KEL: variants seen among roughly 807,000 people sequenced by gnomAD.
KEL encodes kell blood group glycoprotein.
A neutral mutation model predicts 99.5 loss-of-function variants in KEL; 96 were observed. The ratio of observed to expected loss-of-function variants is 0.97; its 90% CI spans 0.82 to 1.14. The LOEUF (loss-of-function observed/expected upper bound fraction) is 1.14. Among genes scored for constraint, KEL ranks in the 50% most tolerant of loss-of-function variants. The pLI, the probability that KEL is intolerant of heterozygous loss-of-function variation, is 0.00. For missense variants in KEL, 926 were observed against 924.2 expected (o/e 1.00, Z -0.03); for synonymous variants, 355 against 354.8 (o/e 1.00, Z -0.01).
chr7:142,942,070 G>T (rs1163375624), intron 18 of KEL: 1 of 290,134 alleles, frequency 3.4e-6, no homozygotes, highest in Non-Finnish European at 6.5e-6. Context: ...CGGCCTCCTA[G>T]AGTGCCAGGA....
Position 142,952,595 on chromosome 7 carries a change from G to C in KEL, c.1117C>G (p.Leu373Val). Residue 373 changes from leucine to valine, a missense_variant, in exon 10 of 19, where the codon CTT becomes GTT. Transcript: ENST00000355265. The stretch of plus-strand genomic sequence containing the variant: ...AATTGACTGTCCAGGGCTGGAGAAA[G>C]GGTCACCACCAGCCCTAAGATCATG... The part of the protein sequence containing the change: ...SHMILGLVVT[L>V]SPALDSQFQE... 6.2e-7 allele frequency: 1 copy of C among 1,614,092 alleles called. No individual in the cohort carries two copies. Among genetic ancestry groups the C allele is most frequent in the Non-Finnish European group, 8.5e-7 (1 of 1,180,000 alleles).
At chr7:142,942,276 G>C (rs1186664589) in intron 18 of KEL, 158 bp downstream of exon 18, 3 of 651,300 alleles carry the variant, frequency 4.6e-6, no homozygotes, top group Non-Finnish European at 8.4e-6. Flanking sequence ...TGATTCCAAG[G>C]GGTAGGGAGG....
In KEL at chr7:142,954,454, T is replaced by C. The variant is rs374839695; in HGVS notation, c.735+11A>G. 2.2e-5 allele frequency: 36 copies of C among 1,613,526 alleles called. No homozygotes were observed. The highest frequency in any genetic ancestry group is 3.0e-5 in the Non-Finnish European group (35 of 1,179,536). ...TCAGAGGGCAGGGCCTTTGTCCATGTGCCATCTTACCTGGGCATAGATCTT... is the reference window on the plus strand; with the variant it reads ...TCAGAGGGCAGGGCCTTTGTCCATGCGCCATCTTACCTGGGCATAGATCTT... On this transcript the variant is annotated intron_variant, in intron 7 of 18. Coordinates refer to ENST00000355265, the MANE Select transcript of KEL (RefSeq NM_000420.3).
Position 142,953,381 on chromosome 7 carries a change from T to C in KEL, c.1073+427A>G, listed in dbSNP as rs1016418952. The C allele has an allele frequency of 4.1e-6, 4 of 984,908 alleles. No homozygotes were observed. In the African/African-American group the frequency reaches 7.0e-5, roughly 17 times the overall value. 61.0% of individuals were successfully genotyped at this position (984,908 alleles called of 1,614,324 possible). On this transcript the variant is annotated intron_variant, in intron 9 of 18. Transcript: ENST00000355265. ...TTCTTCCCCTAAGCATCCCCAGCCT[T>C]CACCATGTTCATCTCCTCATCTCAT...
At chr7:142,945,918 G>A (rs935268948) in intron 11 of KEL, among the ~76,000 whole-genome samples, 34 of 152,200 alleles carry the variant, frequency 2.2e-4, no homozygotes, top group Admixed American at 1.6e-3. Context: ...GTGAGCCACC[G>A]AGCCTGGCTC....
chr7:142,960,464 TGA>T (rs1291546921), intron 4 of KEL, among the ~76,000 whole-genome samples: 1 of 152,054 alleles, frequency 6.6e-6, no homozygotes, highest in Non-Finnish European at 1.5e-5. Context: ...GGTTAGAGAA[TGA>T]GAGTGATGGA....
chr7:142,962,187 T>G lies in KEL; in HGVS notation c.3+17A>C. The G allele has an allele frequency of 6.2e-7, 1 of 1,614,038 alleles. No individual in the cohort carries two copies. ...CACCCCTCCCCGCTAAGCCTCTGAC[T>G]CCAAAAGGGGACTTACCATCTGTCT... is the stretch of plus-strand genomic sequence containing the variant. On this transcript the variant is annotated intron_variant, in intron 1 of 18. Coordinates refer to ENST00000355265, the MANE Select transcript of KEL (RefSeq NM_000420.3).
At position 142,943,027 on chromosome 7, in the gene KEL, G is replaced by A. The variant is rs1554391749; in HGVS notation, c.1789C>T (p.Leu597Phe). 1.2e-6 allele frequency: 2 copies of A among 1,614,144 alleles called. No homozygotes were observed. Among genetic ancestry groups the A allele is most frequent in the South Asian group, 2.2e-5 (2 of 91,080 alleles). ...TGGAGGGCATGGTTGTCACAGGCGA[G>A]GCAGCCCCCAGGCAGTACTGTTGAA... is the stretch of plus-strand genomic sequence containing the variant. ...FYQLLLPGGC[L>F]ACDNHALQEA... Residue 597 changes from leucine (L) to phenylalanine (F), a missense_variant, in exon 17 of 19, where the codon CTC (leucine) becomes TTC (phenylalanine). By Grantham distance (22) the Leu-to-Phe change is conservative. Transcript: ENST00000355265.
At chr7:142,943,370 C>T (rs975437673) in intron 15 of KEL, 27 bp from the exon 16 acceptor site, 1 of 1,613,686 alleles carries the variant, frequency 6.2e-7, no homozygotes, top group Non-Finnish European at 8.5e-7. Context: ...TTATTTGACC[C>T]CCAGAATCTC....
chr7:142,944,827 A>C (rs1481223830), intron 11 of KEL, 86 bp from the exon 12 acceptor site: 2 of 1,100,702 alleles, frequency 1.8e-6, no homozygotes, highest in Non-Finnish European at 2.7e-6. Flanking sequence ...CCCTTGGAAA[A>C]GGGCTTGGCC....
In KEL at chr7:142,956,519, G is replaced by A. The variant is rs200504037; in HGVS notation, c.672+1308C>T. ...AATCAGGCTCAACCTTATGTCTTCA[G>A]TCTCACTTTTACCTCCCACTGCACC... On this transcript the variant is annotated intron_variant, in intron 6 of 18. Transcript: ENST00000355265. Among the ~76,000 whole-genome samples the A allele has an allele frequency of 2.0e-5, 3 of 151,474 alleles. No homozygotes were observed. The East Asian group carries it at 5.8e-4, about 29-fold the overall frequency.
intron 16 of KEL, 27 bp from the exon 17 acceptor site, chr7:142,943,071 A>G (rs1383229903): frequency 1.2e-6 from 2 of 1,612,896 alleles, no homozygotes; most frequent in Non-Finnish European, 1.7e-6. Context: ...AAGAGAACAT[A>G]CAGCAAGAGA....
At position 142,961,380 on chromosome 7, in the gene KEL, T is replaced by C. The variant is rs1258080744; in HGVS notation, c.203A>G (p.Asn68Ser). Reference protein sequence around the residue: ...LLCFSVLLFYNFQNCGPRPCE... With the variant: ...LLCFSVLLFYSFQNCGPRPCE... ...CTTACGAGGGCCACAGTTCTGGAAGTTGTAGAACAAAAGCACAGAAAAACA... is the reference window on the plus strand; with the variant it reads ...CTTACGAGGGCCACAGTTCTGGAAGCTGTAGAACAAAAGCACAGAAAAACA... Residue 68 changes from asparagine to serine, a missense_variant, in exon 3 of 19, where the codon AAC becomes AGC. Transcript: ENST00000355265. 9 of 1,613,364 alleles carry C rather than the reference T, an allele frequency of 5.6e-6. No homozygotes were observed. Among genetic ancestry groups the C allele is most frequent in the Non-Finnish European group, 6.8e-6 (8 of 1,180,004 alleles).
chr7:142,954,440 G>A (rs1796775485), intron 7 of KEL, 25 bp downstream of exon 7: 1 of 1,612,220 alleles, frequency 6.2e-7, no homozygotes, highest in Non-Finnish European at 8.5e-7. Flanking sequence ...CAGAGGGCAG[G>A]GCCTTTGTCC....
intron 9 of KEL, chr7:142,953,302 A>G: frequency 1.1e-6 from 1 of 940,904 alleles, no homozygotes; most frequent in Non-Finnish European, 1.3e-6. Flanking sequence ...ATTGTTTCCC[A>G]TAAGAGCTCC....
chr7:142,942,539 G>T lies in KEL; in HGVS notation c.1942-10C>A, dbSNP rs1222921402. On this transcript the variant is annotated splice_polypyrimidine_tract_variant and intron_variant, in intron 17 of 18. Coordinates refer to ENST00000355265, the MANE Select transcript of KEL (RefSeq NM_000420.3). The stretch of plus-strand genomic sequence containing the variant: ...GCCTCTTGCTGTATGCCTGGGTAGG[G>T]GTGGGTAGAGAAGGGCCATCAGGCT... 1.3e-6 allele frequency: 2 copies of T among 1,592,996 alleles called. No individual in the cohort carries two copies. Among genetic ancestry groups the T allele is most frequent in the African/African-American group, 2.7e-5 (2 of 74,756 alleles).
Position 142,942,899 on chromosome 7 carries a change from A to G in KEL, c.1917T>C (p.Val639=), listed in dbSNP as rs771122793. The change falls in exon 17 of 19, where the codon GTT becomes GTC. Residue 639 remains valine, a synonymous_variant. Coordinates refer to ENST00000355265, the MANE Select transcript of KEL (RefSeq NM_000420.3). ...SLTFLENAAD[V]GGLAIALQAY... is the part of the protein sequence containing the mutation. ...CCTGCAGCGCGATGGCTAGCCCCCC[A>G]ACGTCTGCAGCATTCTCTAAGAATG... 3.7e-6 allele frequency: 6 copies of G among 1,614,176 alleles called. No individual in the cohort carries two copies. In the East Asian group the frequency reaches 1.3e-4, roughly 36 times the overall value.
intron 10 of KEL, among the ~76,000 whole-genome samples, chr7:142,948,386 GA>G (rs1042172527): frequency 2.0e-5 from 3 of 150,756 alleles, no homozygotes; most frequent in Admixed American, 1.3e-4. Flanking sequence ...TAGGGCACCA[GA>G]AAAAAAAAGT....
intron 3 of KEL, 36 bp downstream of exon 3, chr7:142,961,324 G>A: frequency 6.2e-7 from 1 of 1,612,504 alleles, no homozygotes; most frequent in Non-Finnish European, 8.5e-7. Flanking sequence ...GCTGGGGGAG[G>A]GCTGACTAGG....
Sources: gnomAD v4.1 joint callset for allele counts (sites outside exome capture counted in the v4.1 genomes callset) on GRCh38, gnomAD v4.1.1 for gene constraint, MANE v1.5 for transcripts, NCBI Gene and HGNC (gene_info 2026-07-23, HGNC 2026-07-21) for gene names.